Variants in DENND1A observed in about 807,000 individuals in gnomAD.
DENND1A encodes the protein DENN domain containing 1A.
In DENND1A, 51 loss-of-function variants were observed where a neutral mutation model predicts 113.7. That is an observed-to-expected ratio of 0.45 (90% CI 0.36 to 0.57). The LOEUF (loss-of-function observed/expected upper bound fraction) is 0.57. DENND1A is among the 20% of genes least tolerant of loss of function. DENND1A has a pLI of 0.00. For synonymous variants in DENND1A, 565 were observed against 570.8 expected, an observed-to-expected ratio of 0.99 and a Z score of 0.14; for missense variants, 1,258 against 1,395.9, an observed-to-expected ratio of 0.90 and a Z score of 1.57.
chr9:123,574,589 C>G (rs1265185129), intron 12 of DENND1A, among the ~76,000 whole-genome samples: 5 of 152,032 alleles, frequency 3.3e-5, no homozygotes, highest in Non-Finnish European at 7.4e-5. Context: ...CAAAGAGGAC[C>G]CATATTCTCC....
intron 11 of DENND1A, among the ~76,000 whole-genome samples, chr9:123,596,166 A>G (rs2059681815): frequency 6.6e-6 from 1 of 152,194 alleles, no homozygotes; most frequent in Non-Finnish European, 1.5e-5. Context: ...GCTCTTCTAG[A>G]AAACCCTCCT....
intron 13 of DENND1A, among the ~76,000 whole-genome samples, chr9:123,466,099 C>T (rs922259250): frequency 6.6e-6 from 1 of 152,098 alleles, no homozygotes; most frequent in African/African-American, 2.4e-5. Flanking sequence ...CTCAGGTTCA[C>T]ACCATTCTCC....
chr9:123,600,969 A>G (rs1397848514), intron 11 of DENND1A, among the ~76,000 whole-genome samples: 1 of 152,158 alleles, frequency 6.6e-6, no homozygotes, highest in African/African-American at 2.4e-5. Context: ...CCTTACCTCA[A>G]TCTGGCAGGA....
intron 13 of DENND1A, among the ~76,000 whole-genome samples, chr9:123,507,081 T>A (rs867516464): frequency 6.6e-6 from 1 of 152,216 alleles, no homozygotes; most frequent in African/African-American, 2.4e-5. Context: ...CCCAGCTACT[T>A]GGGAGGCTGA....
intron 13 of DENND1A, among the ~76,000 whole-genome samples, chr9:123,477,279 C>T (rs532424621): frequency 6.6e-6 from 1 of 152,288 alleles, no homozygotes; most frequent in South Asian, 2.1e-4. Context: ...CCTGTGATCC[C>T]AGTGCGTTGG....
chr9:123,472,654 C>T (rs1269341009), intron 13 of DENND1A, among the ~76,000 whole-genome samples: 1 of 152,194 alleles, frequency 6.6e-6, no homozygotes, highest in Non-Finnish European at 1.5e-5. Flanking sequence ...CCCCCTCAGG[C>T]AGCCACTGAG....
At chr9:123,844,060 C>T (rs1842214109) in intron 2 of DENND1A, among the ~76,000 whole-genome samples, 1 of 151,110 alleles carries the variant, frequency 6.6e-6, no homozygotes, top group Non-Finnish European at 1.5e-5. Context: ...AGAAACAAAA[C>T]AGAACTTCAT....
chr9:123,787,135 A>T lies in DENND1A; in HGVS notation c.132+5452T>A, dbSNP rs564204639. On this transcript the variant is annotated intron_variant, in intron 3 of 23. Transcript: ENST00000394215. ...ATCAAAGTCACATTTTATACACCAC[A>T]CTGCTTCTTATGTTTCTCTGCCTAA... Among the ~76,000 whole-genome samples the T allele has an allele frequency of 4.0e-5, 6 of 151,540 alleles. No homozygotes were observed. In the East Asian group the frequency reaches 1.2e-3, roughly 29 times the overall value.
intron 2 of DENND1A, among the ~76,000 whole-genome samples, chr9:123,847,206 G>C (rs1842745462): frequency 6.6e-6 from 1 of 151,972 alleles, no homozygotes; most frequent in Non-Finnish European, 1.5e-5. Context: ...CTGGAAGAAA[G>C]ACTTGAAGAA....
chr9:123,663,658 G>A (rs1231263620), intron 8 of DENND1A, among the ~76,000 whole-genome samples: 1 of 151,852 alleles, frequency 6.6e-6, no homozygotes, highest in South Asian at 2.1e-4. Flanking sequence ...ATTGGGGTTG[G>A]AGGGGGTGGT....
intron 5 of DENND1A, among the ~76,000 whole-genome samples, chr9:123,756,303 A>T (rs894052396): frequency 1.3e-5 from 2 of 152,216 alleles, no homozygotes; most frequent in Non-Finnish European, 2.9e-5. Flanking sequence ...TCAAGGGTCA[A>T]CTGTATAAAT....
At chr9:123,717,364 T>C (rs1040426814) in intron 5 of DENND1A, among the ~76,000 whole-genome samples, 10 of 152,204 alleles carry the variant, frequency 6.6e-5, no homozygotes, top group African/African-American at 2.2e-4. Context: ...ATGTGACTCA[T>C]TTAATCCTTA....
chr9:123,504,963 C>A (rs912668428), intron 13 of DENND1A, among the ~76,000 whole-genome samples: 2 of 152,172 alleles, frequency 1.3e-5, no homozygotes, highest in African/African-American at 4.8e-5. Context: ...TACAAGAAAG[C>A]GGCGACAGCA....
At chr9:123,757,134 C>A (rs1029597054) in intron 5 of DENND1A, among the ~76,000 whole-genome samples, 2 of 152,172 alleles carry the variant, frequency 1.3e-5, no homozygotes, top group African/African-American at 4.8e-5. Context: ...GGAAACAGAG[C>A]CTTAAGCAAG....
chr9:123,754,693 C>A (rs564433045), intron 5 of DENND1A, among the ~76,000 whole-genome samples: 3 of 152,266 alleles, frequency 2.0e-5, no homozygotes, highest in African/African-American at 7.2e-5. Flanking sequence ...AATTAACCCA[C>A]CGAATTTTTC....
At chr9:123,432,157 C>A (rs193155138) in intron 19 of DENND1A, among the ~76,000 whole-genome samples, 1 of 152,184 alleles carries the variant, frequency 6.6e-6, no homozygotes, top group African/African-American at 2.4e-5. Context: ...ACATAGCTCC[C>A]GAATGTTCAA....
At chr9:123,421,991 ACCCAC>A (rs2045346129) in intron 19 of DENND1A, among the ~76,000 whole-genome samples, 1 of 151,220 alleles carries the variant, frequency 6.6e-6, no homozygotes, top group Non-Finnish European at 1.5e-5. Flanking sequence ...TCCCTCACTC[ACCCAC>A]CTGATGGATC....
At chr9:123,879,922 T>C (rs1848077365) in intron 1 of DENND1A, among the ~76,000 whole-genome samples, 1 of 152,226 alleles carries the variant, frequency 6.6e-6, no homozygotes, top group Non-Finnish European at 1.5e-5. Context: ...CAGGATTCAA[T>C]GGGCCTTCAC....
chr9:123,876,355 T>C (rs968371620), intron 2 of DENND1A, among the ~76,000 whole-genome samples: 4 of 152,220 alleles, frequency 2.6e-5, no homozygotes, highest in African/African-American at 9.7e-5. Flanking sequence ...GATATAACAA[T>C]TGATTAAATT....
Sources: gnomAD v4.1 joint callset for allele counts (sites outside exome capture counted in the v4.1 genomes callset) on GRCh38, gnomAD v4.1.1 for gene constraint, MANE v1.5 for transcripts, NCBI Gene and HGNC (gene_info 2026-07-23, HGNC 2026-07-21) for gene names.